The following CAMK2A variants were observed in gnomAD, a reference collection of about 807,000 sequenced individuals.
CAMK2A encodes the protein calcium/calmodulin dependent protein kinase II alpha, also known as calcium/calmodulin-dependent protein kinase type II subunit alpha.
In CAMK2A, 7 loss-of-function variants were observed where a neutral mutation model predicts 79.2. That is an observed-to-expected ratio of 0.09 (90% CI 0.05 to 0.17). The LOEUF is 0.17. Among genes scored for constraint, CAMK2A ranks in the 10% least tolerant of loss-of-function variants. The pLI, the probability that CAMK2A is intolerant of heterozygous loss-of-function variation, is 1.00. For missense variants in CAMK2A, 214 were observed against 646.4 expected, an observed-to-expected ratio of 0.33 and a Z score of 7.25; for synonymous variants, 242 against 251.7, an observed-to-expected ratio of 0.96 and a Z score of 0.36.
chr5:150,238,474 T>C, intron 15 of CAMK2A: 1 of 518,818 alleles, frequency 1.9e-6, no homozygotes, highest in East Asian at 3.7e-5. Flanking sequence ...TAAAAATAAA[T>C]AAAATAAGAA....
chr5:150,241,569 C>T (rs1021781030), intron 13 of CAMK2A, among the ~76,000 whole-genome samples: 19 of 138,934 alleles, frequency 1.4e-4, no homozygotes, highest in Admixed American at 1.2e-3. Context: ...TCTCCTCTGC[C>T]TCCTTCCTCT....
chr5:150,271,271 G>A (rs577011975), intron 2 of CAMK2A, among the ~76,000 whole-genome samples: 44 of 152,290 alleles, frequency 2.9e-4, no homozygotes, highest in African/African-American at 8.9e-4. Flanking sequence ...TGTATAGCAC[G>A]TGGGGCTCCT....
chr5:150,257,707 C>A (rs1756119671), intron 3 of CAMK2A, 90 bp from the exon 4 acceptor site: 2 of 992,466 alleles, frequency 2.0e-6, no homozygotes, highest in Admixed American at 2.0e-5. Flanking sequence ...ATATCCAACA[C>A]CCCCCGCTCC....
At chr5:150,237,879 C>T (rs976389371) in intron 15 of CAMK2A, among the ~76,000 whole-genome samples, 1 of 152,152 alleles carries the variant, frequency 6.6e-6, no homozygotes, top group African/African-American at 2.4e-5. Context: ...GCTTTGCTTC[C>T]CCCACCTGAG....
At chr5:150,268,070 C>T (rs1486376618) in intron 2 of CAMK2A, among the ~76,000 whole-genome samples, 6 of 151,960 alleles carry the variant, frequency 3.9e-5, no homozygotes, top group African/African-American at 9.7e-5. Context: ...AGACGGGGTT[C>T]CACCATGCTG....
intron 1 of CAMK2A, among the ~76,000 whole-genome samples, chr5:150,275,941 A>G (rs1015074572): frequency 2.0e-5 from 3 of 151,982 alleles, no homozygotes; most frequent in African/African-American, 7.3e-5. Flanking sequence ...GAATGGGGAG[A>G]GGGGCTGAAA....
chr5:150,265,617 A>G (rs975833344), intron 2 of CAMK2A, among the ~76,000 whole-genome samples: 6 of 152,094 alleles, frequency 3.9e-5, no homozygotes, highest in Non-Finnish European at 7.4e-5. Context: ...ACATCTACCC[A>G]AACACCTGGC....
Position 150,221,462 on chromosome 5 carries a change from C to T in CAMK2A, c.*1248G>A. 2 of 398,654 alleles carry T rather than the reference C, an allele frequency of 5.0e-6. No individual in the cohort carries two copies. Among genetic ancestry groups the T allele is most frequent in the Non-Finnish European group, 8.8e-6 (2 of 226,058 alleles). 24.7% of individuals were successfully genotyped at this position (398,654 alleles called of 1,614,324 possible). ...TGGGTGGGGGGTGCTGGGGGCGGCACACAGATATGGTGAGATGAAATCCTG... is the reference window on the plus strand; with the variant it reads ...TGGGTGGGGGGTGCTGGGGGCGGCATACAGATATGGTGAGATGAAATCCTG... On this transcript the variant is annotated 3_prime_UTR_variant, in exon 19 of 19. Coordinates refer to ENST00000671881, the MANE Select transcript of CAMK2A (RefSeq NM_015981.4).
chr5:150,274,522 A>C (rs1030921917), intron 1 of CAMK2A, among the ~76,000 whole-genome samples: 15 of 152,156 alleles, frequency 9.9e-5, no homozygotes, highest in African/African-American at 3.1e-4. Flanking sequence ...CAACCCCTTC[A>C]TCTACAGAGG....
In CAMK2A at chr5:150,247,825, TAAG is replaced by T. The variant is rs1172941170; in HGVS notation, c.901-14_901-12del. On this transcript the variant is annotated splice_polypyrimidine_tract_variant and intron_variant, in intron 11 of 18. Transcript: ENST00000671881. ...GGTGAGAATGGCTCCCTGCAAGACA[TAAG>T]AAGAGGGCAGTGGGAGAGGAGGCCG... is the stretch of plus-strand genomic sequence containing the variant. The T allele has an allele frequency of 3.1e-6, 5 of 1,612,024 alleles. No individual in the cohort carries two copies. In the South Asian group the frequency reaches 4.4e-5, roughly 14 times the overall value.
chr5:150,289,850 A>C, upstream of CAMK2A: 1 of 526,522 alleles, frequency 1.9e-6, no homozygotes, highest in Non-Finnish European at 3.4e-6. Flanking sequence ...CACCTCCAAA[A>C]CGCCCTGTTC....
At chr5:150,241,914 C>G (rs754584032) in intron 13 of CAMK2A, among the ~76,000 whole-genome samples, 9 of 152,180 alleles carry the variant, frequency 5.9e-5, no homozygotes, top group African/African-American at 2.2e-4. Flanking sequence ...CCAGGCCCCA[C>G]ACAGCTCAGC....
intron 17 of CAMK2A, among the ~76,000 whole-genome samples, chr5:150,227,509 G>A (rs1021964366): frequency 6.6e-6 from 1 of 152,134 alleles, no homozygotes; most frequent in African/African-American, 2.4e-5. Flanking sequence ...ATTCTAACCT[G>A]TGTGCGTTTT....
At chr5:150,236,618 G>T (rs1290285471) in intron 15 of CAMK2A, among the ~76,000 whole-genome samples, 1 of 152,210 alleles carries the variant, frequency 6.6e-6, no homozygotes, top group Non-Finnish European at 1.5e-5. Context: ...GTCCCTGCCT[G>T]TTCTGAGGCC....
chr5:150,239,750 G>A lies in CAMK2A; in HGVS notation c.985-14C>T. 6.2e-7 allele frequency: 1 copy of A among 1,612,574 alleles called. No homozygotes were observed. Among genetic ancestry groups the A allele is most frequent in the Non-Finnish European group, 8.5e-7 (1 of 1,178,600 alleles). ...GGACTTTCTTTTCTGGAAAAACAAG[G>A]AGAAGAGATGGGACAGGAAAAGACA... is the stretch of plus-strand genomic sequence containing the variant. On this transcript the variant is annotated splice_polypyrimidine_tract_variant and intron_variant, in intron 13 of 18. Coordinates refer to ENST00000671881, the MANE Select transcript of CAMK2A (RefSeq NM_015981.4).
chr5:150,257,556 A>C lies in CAMK2A; in HGVS notation c.272+7T>G. 1 of 1,564,832 alleles carries C rather than the reference A, an allele frequency of 6.4e-7. No homozygotes were observed. Among genetic ancestry groups the C allele is most frequent in the Non-Finnish European group, 8.7e-7 (1 of 1,154,558 alleles). ...GTTGGCGCATCCCAGGGCGGGGCCA[A>C]ACTCACAGGTCGAAGATCAGGTAGT... On this transcript the variant is annotated splice_region_variant and intron_variant, in intron 4 of 18. Transcript: ENST00000671881.
At chr5:150,273,370 G>C (rs1756829356) in intron 1 of CAMK2A, among the ~76,000 whole-genome samples, 1 of 152,196 alleles carries the variant, frequency 6.6e-6, no homozygotes, top group Non-Finnish European at 1.5e-5. Context: ...TTAGAAGCTT[G>C]GCCTCAAGTG....
chr5:150,282,968 A>G (rs930170302), intron 1 of CAMK2A, among the ~76,000 whole-genome samples: 4 of 152,252 alleles, frequency 2.6e-5, no homozygotes, highest in Non-Finnish European at 4.4e-5. Context: ...CTTACTCTAC[A>G]GAGTCGGCAG....
At chr5:150,272,572 C>CA (rs1216822947) in intron 2 of CAMK2A, among the ~76,000 whole-genome samples, 4,199 of 98,640 alleles carry the variant, frequency 0.043, 183 homozygotes, top group African/African-American at 0.13. Flanking sequence ...AACTCCATCT[C>CA]AAAAAAAAAA....
Sources: gnomAD v4.1 joint callset for allele counts (sites outside exome capture counted in the v4.1 genomes callset) on GRCh38, gnomAD v4.1.1 for gene constraint, MANE v1.5 for transcripts, NCBI Gene and HGNC (gene_info 2026-07-23, HGNC 2026-07-21) for gene names.